TBL1X: variants seen among roughly 807,000 people sequenced by gnomAD.
The protein encoded by TBL1X is F-box-like/WD repeat-containing protein TBL1X.
Under a neutral mutation model 50.7 loss-of-function variants are expected in TBL1X, and 10 were observed. The ratio of observed to expected loss-of-function variants is 0.20; its 90% CI spans 0.12 to 0.33. The LOEUF is 0.33. TBL1X is among the 10% of genes least tolerant of loss of function. The pLI is 1.00. For synonymous variants in TBL1X, 190 were observed against 214.7 expected, an observed-to-expected ratio of 0.88 and a Z score of 1.01; for missense variants, 340 against 504.4, an observed-to-expected ratio of 0.67 and a Z score of 3.12.
intron 2 of TBL1X, among the ~76,000 whole-genome samples, chrX:9,633,480 T>C (rs1456639797): frequency 8.9e-6 from 1 of 112,253 alleles, no homozygotes; most frequent in Non-Finnish European, 1.9e-5. Flanking sequence ...CCCATTTTCA[T>C]AGTTTGGTGA....
At chrX:9,666,511 T>C (rs190698888) in intron 5 of TBL1X, among the ~76,000 whole-genome samples, 1 of 112,154 alleles carries the variant, frequency 8.9e-6, no homozygotes, top group Non-Finnish European at 1.9e-5. Flanking sequence ...ATAAAGGCAA[T>C]TTAAAATATT....
chrX:9,600,183 G>A (rs1225798085), intron 2 of TBL1X, among the ~76,000 whole-genome samples: 2 of 111,333 alleles, frequency 1.8e-5, no homozygotes, highest in East Asian at 2.8e-4. Flanking sequence ...AGACTGAGTG[G>A]CTTATAAAAA....
At position 9,692,077 on chromosome X, in the gene TBL1X, C is replaced by T. The variant is rs368174968; in HGVS notation, c.750-36C>T. The T allele has an allele frequency of 4.1e-6, 5 of 1,209,525 alleles. No homozygotes were observed. In the African/African-American group the frequency reaches 7.0e-5, roughly 17 times the overall value. On this transcript the variant is annotated intron_variant, in intron 8 of 17. Coordinates refer to ENST00000645353, the MANE Select transcript of TBL1X (RefSeq NM_005647.4). The stretch of plus-strand genomic sequence containing the variant: ...TGGAGAGCTTCTTATCCCATTTGAA[C>T]CAAACACCAGAGGCTCCTGTGTTTT...
At chrX:9,518,382 C>T (rs770158452) in intron 2 of TBL1X, among the ~76,000 whole-genome samples, 1 of 112,166 alleles carries the variant, frequency 8.9e-6, no homozygotes, top group Non-Finnish European at 1.9e-5. Flanking sequence ...ACTTTCACCT[C>T]TCCTGATCCC....
chrX:9,493,372 T>C (rs1465335585), intron 1 of TBL1X, among the ~76,000 whole-genome samples: 1 of 111,756 alleles, frequency 8.9e-6, no homozygotes, highest in African/African-American at 3.3e-5. Flanking sequence ...ATGAAGACTT[T>C]TGGGGATTTG....
intron 1 of TBL1X, among the ~76,000 whole-genome samples, chrX:9,468,725 G>T (rs767471704): frequency 9.0e-6 from 1 of 110,693 alleles, no homozygotes; most frequent in East Asian, 2.8e-4. Flanking sequence ...GAGAGGAGGT[G>T]GGTAGGAGTA....
intron 2 of TBL1X, among the ~76,000 whole-genome samples, chrX:9,582,885 T>A (rs913015505): frequency 8.9e-6 from 1 of 112,651 alleles, no homozygotes; most frequent in African/African-American, 3.2e-5. Context: ...CAGCCACTGT[T>A]AGCGTGTCAC....
In TBL1X at chrX:9,557,463, A is replaced by G. The variant is rs753637157; in HGVS notation, c.-131+55614A>G. Among the ~76,000 whole-genome samples the G allele has an allele frequency of 1.2e-4, 13 of 110,696 alleles. No individual in the cohort carries two copies. The East Asian group carries it at 1.4e-3, about 12-fold the overall frequency. ...GTGGCAGTGGGCTTGAAGAGATGCA[A>G]TGGGGCTGCTTTGGGGCTGAGGCGA... On this transcript the variant is annotated intron_variant, in intron 2 of 17. Transcript: ENST00000645353.
chrX:9,712,465 A>G (rs770018664), intron 16 of TBL1X, among the ~76,000 whole-genome samples: 1 of 112,274 alleles, frequency 8.9e-6, no homozygotes, highest in Non-Finnish European at 1.9e-5. Context: ...AGCCTCCTGA[A>G]TAGCTGGAAT....
chrX:9,577,203 G>T (rs898356907), intron 2 of TBL1X, among the ~76,000 whole-genome samples: 1 of 112,046 alleles, frequency 8.9e-6, no homozygotes, highest in Admixed American at 9.5e-5. Flanking sequence ...CAATAGGACT[G>T]CCCTGTGAAC....
At chrX:9,501,086 G>A (rs770844790) in intron 1 of TBL1X, among the ~76,000 whole-genome samples, 9 of 111,591 alleles carry the variant, frequency 8.1e-5, no homozygotes, top group Non-Finnish European at 1.3e-4. Flanking sequence ...TTCTCACCAC[G>A]TAGGACAGTT....
chrX:9,698,751 G>C (rs1007388808), intron 12 of TBL1X, among the ~76,000 whole-genome samples: 1 of 111,955 alleles, frequency 8.9e-6, no homozygotes, highest in African/African-American at 3.2e-5. Context: ...TAAAATCTCA[G>C]TCGCTAGCCA....
intron 5 of TBL1X, among the ~76,000 whole-genome samples, chrX:9,662,076 T>C: frequency 9.0e-6 from 1 of 111,590 alleles, no homozygotes; most frequent in Non-Finnish European, 1.9e-5. Flanking sequence ...ATCCTAGGCC[T>C]CTGAACAGGG....
intron 2 of TBL1X, among the ~76,000 whole-genome samples, chrX:9,537,318 T>C (rs1756517231): frequency 9.2e-6 from 1 of 108,251 alleles, no homozygotes; most frequent in African/African-American, 3.3e-5. Flanking sequence ...ATTTTTTTTA[T>C]TGTGGTAAAA....
At chrX:9,593,160 G>C (rs756987644) in intron 2 of TBL1X, among the ~76,000 whole-genome samples, 1 of 110,908 alleles carries the variant, frequency 9.0e-6, no homozygotes, top group Non-Finnish European at 1.9e-5. Flanking sequence ...CCAGCACTTT[G>C]GGAGGCCGAG....
intron 15 of TBL1X, 148 bp from the exon 16 acceptor site, chrX:9,711,463 C>T: frequency 2.1e-6 from 1 of 485,235 alleles, no homozygotes. Context: ...TAAGTAGTTA[C>T]AGTTTAGAAG....
At chrX:9,530,664 TC>T (rs1478137266) in intron 2 of TBL1X, among the ~76,000 whole-genome samples, 2 of 112,311 alleles carry the variant, frequency 1.8e-5, no homozygotes, top group African/African-American at 6.5e-5. Flanking sequence ...GGTGAGAAAA[TC>T]CCCTTGACTT....
chrX:9,621,453 T>C (rs1036455408), intron 2 of TBL1X, among the ~76,000 whole-genome samples: 1 of 111,966 alleles, frequency 8.9e-6, no homozygotes, highest in Non-Finnish European at 1.9e-5. Context: ...ACTGTCTTAT[T>C]CTCACTGACT....
intron 5 of TBL1X, among the ~76,000 whole-genome samples, chrX:9,663,992 G>T (rs1205716372): frequency 4.5e-5 from 5 of 111,075 alleles, no homozygotes; most frequent in African/African-American, 1.6e-4. Flanking sequence ...CTACACGTAG[G>T]ATCAAACTGC....
Sources: gnomAD v4.1 joint callset for allele counts (sites outside exome capture counted in the v4.1 genomes callset) on GRCh38, gnomAD v4.1.1 for gene constraint, MANE v1.5 for transcripts, NCBI Gene and HGNC (gene_info 2026-07-23, HGNC 2026-07-21) for gene names.